PDE3A: variants seen among roughly 807,000 people sequenced by gnomAD.
The protein encoded by PDE3A is cGMP-inhibited 3',5'-cyclic phosphodiesterase 3A.
Under a neutral mutation model 98.3 loss-of-function variants are expected in PDE3A, and 43 were observed. That is an observed-to-expected ratio of 0.44 (90% CI 0.34 to 0.56). The LOEUF (loss-of-function observed/expected upper bound fraction) is 0.56. Among genes scored for constraint, PDE3A ranks in the 20% least tolerant of loss-of-function variants. The probability of loss-of-function intolerance (pLI) is 0.01; values close to 1 mark genes in which losing one functional copy is unlikely to be tolerated. For missense variants in PDE3A, 1,427 were observed against 1,440.7 expected (o/e 0.99, Z 0.15); for synonymous variants, 663 against 567.9 (o/e 1.17, Z -2.38).
rs191687145 is a variant in PDE3A at position 20,648,966 on chromosome 12, C to A, written c.2769+75C>A. ...TTTGAGACAGAGTCTTGCTCTGTCG[C>A]CCAGACTGGAGTGCAGTGGCACGAT... On this transcript the variant is annotated intron_variant, in intron 13 of 15. Transcript: ENST00000359062. The A allele has an allele frequency of 9.8e-4, 930 of 944,184 alleles. 7 individuals are homozygous for A. The African/African-American group carries it at 0.015, about 15-fold the overall frequency. The allele number at this position is 944,184 out of a possible 1,614,324, so 58.5% of individuals were successfully genotyped here.
intron 2 of PDE3A, among the ~76,000 whole-genome samples, chr12:20,595,786 C>T (rs1308311561): frequency 6.6e-6 from 1 of 152,120 alleles, no homozygotes; most frequent in Non-Finnish European, 1.5e-5. Context: ...TGCATCTGCT[C>T]TGTGTCCATT....
intron 2 of PDE3A, among the ~76,000 whole-genome samples, chr12:20,562,371 C>A (rs1942548043): frequency 6.6e-6 from 1 of 151,896 alleles, no homozygotes; most frequent in Admixed American, 6.6e-5. Flanking sequence ...AGGTGTGCAC[C>A]ACCACGCCCA....
At chr12:20,661,763 C>T (rs1241723303) in intron 15 of PDE3A, among the ~76,000 whole-genome samples, 1 of 152,120 alleles carries the variant, frequency 6.6e-6, no homozygotes, top group Non-Finnish European at 1.5e-5. Flanking sequence ...TACGGAAATG[C>T]TTGGATGATC....
intron 1 of PDE3A, among the ~76,000 whole-genome samples, chr12:20,507,037 T>C (rs1401670561): frequency 6.6e-6 from 1 of 152,078 alleles, no homozygotes; most frequent in Non-Finnish European, 1.5e-5. Context: ...TTAAATTTAG[T>C]TTTAAACTTA....
intron 1 of PDE3A, among the ~76,000 whole-genome samples, chr12:20,371,695 A>G (rs1347638491): frequency 6.6e-6 from 1 of 152,176 alleles, no homozygotes; most frequent in African/African-American, 2.4e-5. Flanking sequence ...GATAAAACAA[A>G]TGTTTCTTGT....
intron 1 of PDE3A, among the ~76,000 whole-genome samples, chr12:20,549,265 A>C (rs931116654): frequency 4.0e-5 from 6 of 151,202 alleles, no homozygotes; most frequent in African/African-American, 1.2e-4. Context: ...TCATGCGCTA[A>C]TATGAAGTTT....
At chr12:20,441,186 T>G (rs1944865334) in intron 1 of PDE3A, among the ~76,000 whole-genome samples, 1 of 152,116 alleles carries the variant, frequency 6.6e-6, no homozygotes, top group Admixed American at 6.6e-5. Flanking sequence ...TTAAGTACCA[T>G]GAAGCAATTA....
intron 1 of PDE3A, among the ~76,000 whole-genome samples, chr12:20,541,079 T>C (rs930703552): frequency 1.4e-4 from 2 of 14,384 alleles, no homozygotes; most frequent in African/African-American, 9.2e-4. Context: ...AACTTTCTTT[T>C]TTTTTTTTTT....
chr12:20,485,905 C>G (rs189462334), intron 1 of PDE3A, among the ~76,000 whole-genome samples: 194 of 152,178 alleles, frequency 1.3e-3, no homozygotes, highest in Admixed American at 2.4e-3. Context: ...TTCTTTGGAA[C>G]AACTGAGGAG....
rs373703361 is a variant in PDE3A, at chr12:20,370,264, C to T, written c.960+20C>T. 4.4e-5 allele frequency: 66 copies of T among 1,498,116 alleles called. No individual in the cohort carries two copies. Among genetic ancestry groups the T allele is most frequent in the African/African-American group, 5.6e-5 (4 of 71,528 alleles). The allele number at this position is 1,498,116 out of a possible 1,614,324, so 92.8% of individuals were successfully genotyped here. A position where few individuals can be genotyped will look rare whatever the true frequency, so the allele number is the denominator to read the frequency against. ...GAACAGGTAAGCACTGGCAACTCCT[C>T]TCTCGGCTCTTGGAAACTTGAAACA... is the stretch of plus-strand genomic sequence containing the variant. On this transcript the variant is annotated intron_variant, in intron 1 of 15. Coordinates refer to ENST00000359062, the MANE Select transcript of PDE3A (RefSeq NM_000921.5).
At chr12:20,400,743 T>C (rs60977432) in intron 1 of PDE3A, among the ~76,000 whole-genome samples, 7,023 of 152,158 alleles carry the variant, frequency 0.046, 485 homozygotes, top group African/African-American at 0.14. Context: ...TTAATACACA[T>C]TTTTGTTTAT....
chr12:20,598,764 A>G (rs1943524197), intron 2 of PDE3A, among the ~76,000 whole-genome samples: 1 of 152,198 alleles, frequency 6.6e-6, no homozygotes, highest in Non-Finnish European at 1.5e-5. Flanking sequence ...GAATAAATCT[A>G]TTTCATTTCT....
chr12:20,470,885 C>T (rs940540384), intron 1 of PDE3A, among the ~76,000 whole-genome samples: 9 of 148,430 alleles, frequency 6.1e-5, no homozygotes, highest in African/African-American at 1.7e-4. Flanking sequence ...AGTGGGCCCT[C>T]GTAATGGGAT....
intron 1 of PDE3A, among the ~76,000 whole-genome samples, chr12:20,400,376 T>G (rs1944099983): frequency 1.5e-5 from 2 of 135,978 alleles, no homozygotes; most frequent in South Asian, 2.4e-4. Flanking sequence ...CTCGTTAACA[T>G]TGGTTTTTTT....
At chr12:20,471,178 G>T (rs1295681275) in intron 1 of PDE3A, among the ~76,000 whole-genome samples, 1 of 151,448 alleles carries the variant, frequency 6.6e-6, no homozygotes, top group African/African-American at 2.5e-5. Flanking sequence ...CAGTTCTGGA[G>T]ACCAGCCTAG....
chr12:20,578,560 A>G (rs1942995953), intron 2 of PDE3A, among the ~76,000 whole-genome samples: 1 of 151,984 alleles, frequency 6.6e-6, no homozygotes, highest in Non-Finnish European at 1.5e-5. Flanking sequence ...AATAAGCACT[A>G]TCATTTGAAA....
rs780389664 is a variant in PDE3A at position 20,369,788 on chromosome 12, C to CG, written c.511dup (p.Glu171GlyfsTer49). On this transcript the variant is annotated frameshift_variant, in exon 1 of 16. Transcript: ENST00000359062. LOFTEE classifies it high-confidence loss of function. The stretch of plus-strand genomic sequence containing the variant: ...CTGTCGCGCTGCTGGCCGCCTGCTG[C>CG]GGGGGGGAAGCGCTCGTCCAGATTG... 9.7e-5 allele frequency: 156 copies of CG among 1,612,320 alleles called. No homozygotes were observed. In the East Asian group the frequency reaches 1.0e-3, roughly 10 times the overall value.
intron 1 of PDE3A, among the ~76,000 whole-genome samples, chr12:20,517,381 G>A (rs1031234642): frequency 5.3e-5 from 8 of 152,136 alleles, no homozygotes; most frequent in Non-Finnish European, 1.2e-4. Flanking sequence ...TGAACAACGG[G>A]GAGAAAAGAG....
intron 1 of PDE3A, among the ~76,000 whole-genome samples, chr12:20,501,700 A>G (rs988621220): frequency 1.3e-5 from 2 of 152,258 alleles, no homozygotes; most frequent in African/African-American, 4.8e-5. Flanking sequence ...AGTGATTGTA[A>G]ATATTTAAGT....
Sources: allele counts gnomAD v4.1 joint callset (sites outside exome capture counted in the v4.1 genomes callset), GRCh38; gene constraint gnomAD v4.1.1; transcripts MANE v1.5; gene names NCBI Gene and HGNC (gene_info 2026-07-23, HGNC 2026-07-21).